Variants in OR3A3 observed in about 807,000 individuals in gnomAD.
The protein encoded by OR3A3 is olfactory receptor family 3 subfamily A member 3.
For missense variants in OR3A3, 275 were observed against 391.4 expected, an observed-to-expected ratio of 0.70 and a Z score of 2.51; for synonymous variants, 103 against 163.9, an observed-to-expected ratio of 0.63 and a Z score of 2.84.
intron 2 of OR3A3, among the ~76,000 whole-genome samples, chr17:3,412,917 A>G (rs2150679550): frequency 6.6e-6 from 1 of 152,292 alleles, no homozygotes; most frequent in African/African-American, 2.4e-5. Flanking sequence ...GTCTAGCCCA[A>G]ATATTAATGT....
exon 3 of OR3A3, chr17:3,420,895 C>T: frequency 1.9e-6 from 3 of 1,594,968 alleles, no homozygotes; most frequent in Non-Finnish European, 1.7e-6. Context: ...CCTCTCCCAG[C>T]TCTTCTTCTT....
intron 2 of OR3A3, 144 bp from the exon 3 acceptor site, chr17:3,420,436 C>A: frequency 7.1e-7 from 1 of 1,402,552 alleles, no homozygotes; most frequent in Non-Finnish European, 9.6e-7. Flanking sequence ...GCATCTCAAC[C>A]AAGAGCAAGG....
At chr17:3,418,866 T>C (rs1420127641) in intron 2 of OR3A3, among the ~76,000 whole-genome samples, 1 of 152,142 alleles carries the variant, frequency 6.6e-6, no homozygotes, top group Non-Finnish European at 1.5e-5. Flanking sequence ...TGATTCAGAG[T>C]TTGACATAAT....
chr17:3,411,922 A>C (rs1467277583), intron 1 of OR3A3, 56 bp from the exon 2 acceptor site: 38 of 151,914 alleles, frequency 2.5e-4, no homozygotes, highest in Admixed American at 2.5e-3. Context: ...CATGAGTATG[A>C]AGGGCCTGAG....
exon 3 of OR3A3, chr17:3,421,554 C>T (rs1259177592): frequency 1.3e-6 from 2 of 1,515,342 alleles, no homozygotes; most frequent in East Asian, 2.3e-5. Context: ...CCTTTCCTGC[C>T]TTTTCTGGAC....
At chr17:3,419,927 G>T (rs2072417752) in intron 2 of OR3A3, among the ~76,000 whole-genome samples, 1 of 151,898 alleles carries the variant, frequency 6.6e-6, no homozygotes, top group Middle Eastern at 3.4e-3. Flanking sequence ...CACCAAGCCC[G>T]GCTGATTTTT....
chr17:3,412,803 C>G (rs572583904), intron 2 of OR3A3, among the ~76,000 whole-genome samples: 3 of 148,700 alleles, frequency 2.0e-5, no homozygotes, highest in African/African-American at 7.5e-5. Context: ...AGCATGTGGA[C>G]TGGTCCATGA....
exon 3 of OR3A3, chr17:3,422,843 G>A (rs530922125): frequency 6.6e-6 from 1 of 152,350 alleles, no homozygotes; most frequent in East Asian, 1.9e-4. Flanking sequence ...TGGGAGGTAG[G>A]AACGGATTGG....
At chr17:3,420,189 T>G (rs559844293) in intron 2 of OR3A3, among the ~76,000 whole-genome samples, 11 of 152,290 alleles carry the variant, frequency 7.2e-5, no homozygotes, top group African/African-American at 2.6e-4. Flanking sequence ...GACAGTAAAA[T>G]GATTAGTATA....
intron 1 of OR3A3, 61 bp downstream of exon 1, chr17:3,411,545 TG>T (rs1393923829): frequency 2.0e-5 from 3 of 152,814 alleles, no homozygotes; most frequent in Admixed American, 1.3e-4. Flanking sequence ...GGCAGATGCC[TG>T]TAGTCCCAGC....
chr17:3,413,728 A>G (rs939077676), intron 2 of OR3A3, among the ~76,000 whole-genome samples: 10 of 151,760 alleles, frequency 6.6e-5, no homozygotes, highest in Non-Finnish European at 1.2e-4. Context: ...CAGGAGAATC[A>G]CTTGAACCTG....
chr17:3,414,434 A>G (rs1215934869), intron 2 of OR3A3, among the ~76,000 whole-genome samples: 1 of 152,118 alleles, frequency 6.6e-6, no homozygotes, highest in Non-Finnish European at 1.5e-5. Context: ...ACTGCAGTAC[A>G]TTTTCATAGA....
At chr17:3,421,635 C>G in exon 3 of OR3A3, 1 of 1,334,012 alleles carries the variant, frequency 7.5e-7, no homozygotes, top group Non-Finnish European at 1.0e-6. Context: ...TCTCCTGATG[C>G]CTGAGGAGTG....
chr17:3,416,413 A>C (rs1427800953), intron 2 of OR3A3, among the ~76,000 whole-genome samples: 1 of 151,806 alleles, frequency 6.6e-6, no homozygotes, highest in Non-Finnish European at 1.5e-5. Flanking sequence ...CTTTAACATA[A>C]ATTTTTTTCT....
chr17:3,412,579 G>T (rs1235201680), intron 2 of OR3A3, among the ~76,000 whole-genome samples: 2 of 142,180 alleles, frequency 1.4e-5, no homozygotes, highest in African/African-American at 2.5e-5. Context: ...CTCCCCAGTG[G>T]GCCTCGTGGG....
chr17:3,414,117 G>A (rs2072377296), intron 2 of OR3A3, among the ~76,000 whole-genome samples: 1 of 152,190 alleles, frequency 6.6e-6, no homozygotes, highest in Admixed American at 6.5e-5. Context: ...AGTCGCCCAG[G>A]CTGGAGTGCA....
At chr17:3,416,737 A>C (rs997448110) in intron 2 of OR3A3, among the ~76,000 whole-genome samples, 4 of 152,118 alleles carry the variant, frequency 2.6e-5, no homozygotes, top group Non-Finnish European at 5.9e-5. Context: ...TAGGGAGTAC[A>C]CTGTGATGTG....
chr17:3,411,930 G>A (rs1202932785), intron 1 of OR3A3, 48 bp from the exon 2 acceptor site: 2 of 151,796 alleles, frequency 1.3e-5, no homozygotes, highest in Non-Finnish European at 2.9e-5. Flanking sequence ...TGAAGGGCCT[G>A]AGGTGTCTCC....
chr17:3,422,001 A>G (rs1298435551), exon 3 of OR3A3: 4 of 153,526 alleles, frequency 2.6e-5, no homozygotes, highest in African/African-American at 9.6e-5. Flanking sequence ...TTTATGCCTG[A>G]GCAGCAATGT....
Sources: gnomAD v4.1 joint callset for allele counts (sites outside exome capture counted in the v4.1 genomes callset) on GRCh38, gnomAD v4.1.1 for gene constraint, MANE v1.5 for transcripts, NCBI Gene and HGNC (gene_info 2026-07-23, HGNC 2026-07-21) for gene names.